Variants in SEMA4D observed in about 807,000 individuals in gnomAD.
SEMA4D encodes the protein semaphorin-4D.
SEMA4D carries 22 observed loss-of-function variants against 74.8 expected under a neutral mutation model. That is an observed-to-expected ratio of 0.29 (90% CI 0.21 to 0.42). SEMA4D has a LOEUF of 0.42. Among genes scored for constraint, SEMA4D ranks in the 10% least tolerant of loss-of-function variants. The pLI is 1.00. For missense variants in SEMA4D, 937 were observed against 1,118.4 expected (o/e 0.84, Z 2.31); for synonymous variants, 445 against 463.7 (o/e 0.96, Z 0.52).
intron 2 of SEMA4D, among the ~76,000 whole-genome samples, chr9:89,425,777 G>A (rs988463180): frequency 5.3e-5 from 8 of 152,162 alleles, no homozygotes; most frequent in East Asian, 3.9e-4. Context: ...TGCAACAACC[G>A]TCTAGAGCCA....
At position 89,492,152 on chromosome 9, in the gene SEMA4D, T is replaced by C. The variant is rs141411386; in HGVS notation, c.-310+5767A>G. Among the ~76,000 whole-genome samples the C allele has an allele frequency of 1.4e-3, 209 of 152,170 alleles. No homozygotes were observed. The highest frequency in any genetic ancestry group is 4.8e-3 in the African/African-American group (200 of 41,522). ...TCCCAAATTCCCCTCCTTCCTTCTC[T>C]CAAGAAACTCACCCCATACTTCAGC... On this transcript the variant is annotated intron_variant, in intron 1 of 15. Transcript: ENST00000422704. This position sits in a 1 kb window ranked among gnomAD's most constrained non-coding sequence, Gnocchi z 4.3.
chr9:89,464,830 G>C lies in SEMA4D; in HGVS notation c.-309-8877C>G, dbSNP rs1289887418. Among the ~76,000 whole-genome samples, 4 of 152,154 alleles carry C rather than the reference G, an allele frequency of 2.6e-5. No homozygotes were observed. The East Asian group carries it at 7.7e-4, about 29-fold the overall frequency. ...TAAGCCTGAGTTACCACGGGGTGTGGGGGGAGGGTGCGGAGAGCACCCCCA... is the reference window on the plus strand; with the variant it reads ...TAAGCCTGAGTTACCACGGGGTGTGCGGGGAGGGTGCGGAGAGCACCCCCA... On this transcript the variant is annotated intron_variant, in intron 1 of 15. Transcript: ENST00000422704.
At chr9:89,429,381 A>G (rs1283180378) in intron 2 of SEMA4D, among the ~76,000 whole-genome samples, 1 of 152,236 alleles carries the variant, frequency 6.6e-6, no homozygotes, top group Non-Finnish European at 1.5e-5. Context: ...ACAGTAATTC[A>G]GGTCACCCAG....
Position 89,462,688 on chromosome 9 carries a change from T to C in SEMA4D, c.-309-6735A>G, listed in dbSNP as rs1189516676. The stretch of plus-strand genomic sequence containing the variant: ...AGCCAGATGCAGGGGCTCGTGCCTG[T>C]AATCCCAGTACTTTAGGAGGCCAAG... On this transcript the variant is annotated intron_variant, in intron 1 of 15. Transcript: ENST00000422704. Among the ~76,000 whole-genome samples, 3 of 152,046 alleles carry C rather than the reference T, an allele frequency of 2.0e-5. No homozygotes were observed. The East Asian group carries it at 5.9e-4, about 30-fold the overall frequency.
chr9:89,381,470 G>A lies in SEMA4D; in HGVS notation c.1447-124C>T, dbSNP rs1837045850. The A allele has an allele frequency of 8.5e-6, 8 of 940,412 alleles. No homozygotes were observed. Among genetic ancestry groups the A allele is most frequent in the East Asian group, 5.4e-5 (2 of 37,066 alleles). The allele number at this position is 940,412 out of a possible 1,614,324, so 58.3% of individuals were successfully genotyped here. ...TACCTTCAGGGGACATTGCAGTAAGGAGGAGAGGTACTCAGAACCAGAGGC... is the reference window on the plus strand; with the variant it reads ...TACCTTCAGGGGACATTGCAGTAAGAAGGAGAGGTACTCAGAACCAGAGGC... On this transcript the variant is annotated intron_variant, in intron 13 of 15. Transcript: ENST00000422704. The surrounding 1 kb of genome is among the most constrained non-coding windows in gnomAD (Gnocchi z 4.6).
chr9:89,370,892 G>A lies in SEMA4D; in HGVS notation c.1882+5941C>T, dbSNP rs539631512. ...GGCGTGTGGGGTGTGTGTCTGGGAT[G>A]TGTGGCATGTGACTGGGATGGTGTG... On this transcript the variant is annotated intron_variant, in intron 16 of 18. Coordinates refer to the SEMA4D transcript ENST00000339861. Among the ~76,000 whole-genome samples, 18 of 145,248 alleles carry A rather than the reference G, an allele frequency of 1.2e-4. No homozygotes were observed. In the South Asian group the frequency reaches 3.3e-3, roughly 27 times the overall value.
At chr9:89,405,212 C>G in intron 3 of SEMA4D, 139 bp downstream of exon 3, 1 of 708,214 alleles carries the variant, frequency 1.4e-6, no homozygotes, top group African/African-American at 1.8e-5. Flanking sequence ...AAGTGGAGTC[C>G]CTGTCCCGTT....
chr9:89,419,398 G>T (rs1038160112), intron 2 of SEMA4D, among the ~76,000 whole-genome samples: 3 of 152,144 alleles, frequency 2.0e-5, no homozygotes, highest in Non-Finnish European at 4.4e-5. Flanking sequence ...TGAGCATTTG[G>T]GCACAACTGC....
chr9:89,385,170 T>TC (rs944250361), intron 13 of SEMA4D: 1 of 902,116 alleles, frequency 1.1e-6, no homozygotes, highest in Non-Finnish European at 1.3e-6. Context: ...GCGGCCCTCC[T>TC]CTTCCTACCC....
intron 1 of SEMA4D, among the ~76,000 whole-genome samples, chr9:89,476,333 G>A (rs1370262666): frequency 6.6e-6 from 1 of 152,240 alleles, no homozygotes; most frequent in Non-Finnish European, 1.5e-5. Flanking sequence ...TGACCAGTGT[G>A]ATGGCTGATG....
chr9:89,465,298 T>C (rs573903189), intron 1 of SEMA4D, among the ~76,000 whole-genome samples: 1 of 152,282 alleles, frequency 6.6e-6, no homozygotes, highest in South Asian at 2.1e-4. Context: ...CCGGTGAGAT[T>C]GCTGGCCACT....
At chr9:89,471,399 T>C (rs1301373927) in intron 1 of SEMA4D, among the ~76,000 whole-genome samples, 1 of 152,226 alleles carries the variant, frequency 6.6e-6, no homozygotes, top group Admixed American at 6.5e-5. Context: ...CTCATGTTCT[T>C]CCACAAGAAT....
At chr9:89,366,129 C>T (rs1364141177) in intron 16 of SEMA4D, among the ~76,000 whole-genome samples, 5 of 152,124 alleles carry the variant, frequency 3.3e-5, no homozygotes, top group Non-Finnish European at 7.4e-5. Flanking sequence ...TTCGAAGTGC[C>T]ATCGAAGAAT....
At chr9:89,386,576 A>C (rs1838559555) in intron 12 of SEMA4D, 94 bp from the exon 13 acceptor site, 74 of 724,458 alleles carry the variant, frequency 1.0e-4, no homozygotes, top group Non-Finnish European at 1.2e-4. Context: ...CTTCACTCTC[A>C]AGTCATTCCC....
In SEMA4D at chr9:89,446,866, T is replaced by C. The variant is rs142586083; in HGVS notation, c.-244+9022A>G. On this transcript the variant is annotated intron_variant, in intron 2 of 15. Coordinates refer to ENST00000422704, the MANE Select transcript of SEMA4D (RefSeq NM_001371194.2). ...CCTCAGGCGGGCTCCCTGCCCACAC[T>C]GTGTCCAGCTCGGAGGACTCGAAGT... Among the ~76,000 whole-genome samples, 1,089 of 152,252 alleles carry C rather than the reference T, an allele frequency of 7.2e-3. 14 individuals are homozygous for C. The highest frequency in any genetic ancestry group is 0.024 in the African/African-American group (1,014 of 41,542).
intron 1 of SEMA4D, among the ~76,000 whole-genome samples, chr9:89,462,998 T>C (rs2135750792): frequency 3.6e-5 from 2 of 55,628 alleles, no homozygotes; most frequent in East Asian, 1.0e-3. Context: ...AAGAGAGGCA[T>C]GTAAGAGAAC....
chr9:89,476,683 G>A (rs1255154534), intron 1 of SEMA4D, among the ~76,000 whole-genome samples: 3 of 152,152 alleles, frequency 2.0e-5, no homozygotes, highest in African/African-American at 4.8e-5. Flanking sequence ...GTCTACACAC[G>A]CATACACATG....
At chr9:89,445,773 T>C (rs1040892412) in intron 2 of SEMA4D, among the ~76,000 whole-genome samples, 1 of 152,118 alleles carries the variant, frequency 6.6e-6, no homozygotes, top group Non-Finnish European at 1.5e-5. Flanking sequence ...CTTCGACAGA[T>C]TGGGTGAGGC....
chr9:89,475,284 G>A (rs1482534823), intron 1 of SEMA4D, among the ~76,000 whole-genome samples: 1 of 152,246 alleles, frequency 6.6e-6, no homozygotes, highest in Non-Finnish European at 1.5e-5. Flanking sequence ...CTGGGAGCCA[G>A]AAGGGGCCTG....
Sources: allele counts gnomAD v4.1 joint callset (sites outside exome capture counted in the v4.1 genomes callset), GRCh38; gene constraint gnomAD v4.1.1; non-coding constraint Gnocchi (gnomAD v3.1); transcripts MANE v1.5; gene names NCBI Gene and HGNC (gene_info 2026-07-23, HGNC 2026-07-21).